Variants in ARL13B observed in about 807,000 individuals in gnomAD.
ARL13B encodes the protein ARF like GTPase 13B.
A neutral mutation model predicts 56.1 loss-of-function variants in ARL13B; 36 were observed. That is an observed-to-expected ratio of 0.64 (90% CI 0.49 to 0.85). The LOEUF is 0.85. Among genes scored for constraint, ARL13B ranks in the 40% least tolerant of loss-of-function variants. The probability of loss-of-function intolerance (pLI) is 0.00; values close to 1 mark genes in which losing one functional copy is unlikely to be tolerated. For missense variants in ARL13B, 519 were observed against 507.1 expected, an observed-to-expected ratio of 1.02 and a Z score of -0.23; for synonymous variants, 178 against 171.1, an observed-to-expected ratio of 1.04 and a Z score of -0.32.
intron 3 of ARL13B, among the ~76,000 whole-genome samples, chr3:94,030,039 C>G (rs1008318356): frequency 3.9e-5 from 6 of 151,962 alleles, no homozygotes. Context: ...AAATTATGGT[C>G]CTTGAAATAC....
chr3:94,016,572 G>A (rs1025909656), intron 3 of ARL13B, among the ~76,000 whole-genome samples: 7 of 151,650 alleles, frequency 4.6e-5, no homozygotes, highest in South Asian at 2.1e-4. Context: ...AAATATTTTC[G>A]TATCTACAGA....
intron 6 of ARL13B, 109 bp downstream of exon 6, chr3:94,040,097 G>A: frequency 1.1e-6 from 1 of 899,868 alleles, no homozygotes; most frequent in Non-Finnish European, 1.8e-6. Flanking sequence ...TGTTTCTTCT[G>A]AGAGATTATT....
In ARL13B at chr3:94,032,681, A is replaced by G. The variant is rs567784199; in HGVS notation, c.381-2650A>G. Among the ~76,000 whole-genome samples the G allele has an allele frequency of 2.0e-5, 3 of 152,130 alleles. No homozygotes were observed. In the South Asian group the frequency reaches 6.2e-4, roughly 32 times the overall value. On this transcript the variant is annotated intron_variant, in intron 3 of 9. Transcript: ENST00000394222. ...CCGGCTAGTTTTTTGTATTTTTAGT[A>G]GAGATGGGGTTTCACCGTGTTAGCC...
chr3:94,002,313 C>G (rs1476804177), intron 2 of ARL13B, among the ~76,000 whole-genome samples: 2 of 152,186 alleles, frequency 1.3e-5, no homozygotes, highest in East Asian at 3.9e-4. Context: ...GTGATCCTTC[C>G]GCCTCAGCCT....
intron 3 of ARL13B, among the ~76,000 whole-genome samples, chr3:94,011,832 G>A (rs746670219): frequency 9.2e-5 from 14 of 152,086 alleles, no homozygotes; most frequent in Admixed American, 2.0e-4. Flanking sequence ...CAAACTTCTG[G>A]AAAGAATTGC....
At chr3:94,018,636 T>C (rs1353727925) in intron 3 of ARL13B, among the ~76,000 whole-genome samples, 2 of 152,162 alleles carry the variant, frequency 1.3e-5, no homozygotes, top group East Asian at 1.9e-4. Flanking sequence ...AAAAACTGCC[T>C]ACCTGACAGC....
At position 93,980,406 on chromosome 3, in the gene ARL13B, T is replaced by C. The variant is rs368788559; in HGVS notation, c.-18T>C. 1.4e-4 allele frequency: 229 copies of C among 1,610,860 alleles called. 1 individual carries two copies. In the African/African-American group the frequency reaches 2.9e-3, roughly 20 times the overall value. On this transcript the variant is annotated 5_prime_UTR_variant, in exon 1 of 10. Transcript: ENST00000394222. ...CGCTCCGGGCTCGGATGGGAAGTGG[T>C]GGGAGGAGCGACCCGGGATGTTCAG...
At chr3:94,017,429 C>G (rs750324549) in intron 3 of ARL13B, among the ~76,000 whole-genome samples, 1 of 152,136 alleles carries the variant, frequency 6.6e-6, no homozygotes, top group Non-Finnish European at 1.5e-5. Flanking sequence ...TGGACATTTT[C>G]AAGATGTTCT....
rs1415287343 is a variant in ARL13B, at chr3:94,050,889, A to C, written c.1207A>C (p.Asn403His). 2 of 1,612,892 alleles carry C rather than the reference A, an allele frequency of 1.2e-6. No individual in the cohort carries two copies. Among genetic ancestry groups the C allele is most frequent in the East Asian group, 4.5e-5 (2 of 44,784 alleles). The change falls in exon 9 of 10, where the codon AAT becomes CAT. Residue 403 changes from asparagine to histidine, a missense_variant. Asn to His is a moderately conservative substitution (Grantham distance 68). Transcript: ENST00000394222. ...KLEPLGETHHNDFYRKPLPPL... is the reference protein window; with the variant it reads ...KLEPLGETHHHDFYRKPLPPL... Reference sequence around the variant, plus strand: ...TGAGCCTCTTGGTGAAACACATCATAATGGTAATGCAAAAGGATTGGTTTT... The same window carrying C: ...TGAGCCTCTTGGTGAAACACATCATCATGGTAATGCAAAAGGATTGGTTTT...
chr3:94,008,537 T>C (rs1338840785), intron 3 of ARL13B, among the ~76,000 whole-genome samples: 1 of 152,166 alleles, frequency 6.6e-6, no homozygotes, highest in Admixed American at 6.5e-5. Flanking sequence ...GTTGATTACC[T>C]GAGGAATAAA....
intron 3 of ARL13B, among the ~76,000 whole-genome samples, chr3:94,025,259 A>G (rs1381255289): frequency 6.6e-6 from 1 of 151,514 alleles, no homozygotes; most frequent in Non-Finnish European, 1.5e-5. Flanking sequence ...GCAAAAAACA[A>G]AATATCCTTT....
At position 93,990,976 on chromosome 3, in the gene ARL13B, A is replaced by G. The variant is rs553514080; in HGVS notation, c.60-4898A>G. 3.9e-5 allele frequency among the ~76,000 whole-genome samples: 6 copies of G among 152,274 alleles called. No homozygotes were observed. The South Asian group carries it at 8.3e-4, about 21-fold the overall frequency. On this transcript the variant is annotated intron_variant, in intron 1 of 9. Coordinates refer to ENST00000394222, the MANE Select transcript of ARL13B (RefSeq NM_001174150.2). Reference sequence around the variant, plus strand: ...AAGTCCCCTTGTTTGGTATCCCATTATCATCTTACATATATAGCTAAACAT... The same window carrying G: ...AAGTCCCCTTGTTTGGTATCCCATTGTCATCTTACATATATAGCTAAACAT...
intron 2 of ARL13B, among the ~76,000 whole-genome samples, chr3:94,000,949 AAG>A (rs1185699988): frequency 4.6e-5 from 7 of 152,156 alleles, no homozygotes; most frequent in African/African-American, 1.7e-4. Flanking sequence ...GAAAGGAAAA[AAG>A]AAAGGGTGGA....
At chr3:93,992,965 G>GTT (rs1197933874) in intron 1 of ARL13B, among the ~76,000 whole-genome samples, 1 of 142,506 alleles carries the variant, frequency 7.0e-6, no homozygotes, top group African/African-American at 2.6e-5. Context: ...GCTAATTTTT[G>GTT]TATTTTTTTT....
rs1371886209 is a variant in ARL13B at position 94,043,266 on chromosome 3, A to G, written c.1024+26A>G. ...GTAATAAATCTAGTTATTTAAAGTA[A>G]TTATCTTATGTATATATAAATAAAA... is the stretch of plus-strand genomic sequence containing the variant. On this transcript the variant is annotated intron_variant, in intron 7 of 9. Transcript: ENST00000394222. The G allele has an allele frequency of 2.5e-6, 4 of 1,572,644 alleles. 1 individual carries two copies. The South Asian group carries it at 4.5e-5, about 18-fold the overall frequency.
chr3:94,023,706 C>A (rs2076497563), intron 3 of ARL13B, among the ~76,000 whole-genome samples: 1 of 152,056 alleles, frequency 6.6e-6, no homozygotes, highest in Non-Finnish European at 1.5e-5. Flanking sequence ...CAAATCTGTT[C>A]TTTTTCCCCT....
intron 7 of ARL13B, among the ~76,000 whole-genome samples, chr3:94,045,140 C>T (rs1196083640): frequency 6.6e-6 from 1 of 152,150 alleles, no homozygotes; most frequent in Non-Finnish European, 1.5e-5. Context: ...TAATCTATAA[C>T]CTTACCCCCA....
chr3:93,989,557 T>A (rs781763729), intron 1 of ARL13B, among the ~76,000 whole-genome samples: 28,458 of 148,170 alleles, frequency 0.19, 3,108 homozygotes, highest in Non-Finnish European at 0.25. Flanking sequence ...TATGGTTAAT[T>A]TTTTTTTTTT....
Position 94,055,625 on chromosome 3 carries a change from A to G in ARL13B, c.*2362A>G, listed in dbSNP as rs774750592. 3.1e-5 allele frequency: 14 copies of G among 453,748 alleles called. No individual in the cohort carries two copies. Among genetic ancestry groups the G allele is most frequent in the Non-Finnish European group, 5.7e-5 (13 of 226,644 alleles). The allele number at this position is 453,748 out of a possible 1,614,324, so 28.1% of individuals were successfully genotyped here. A position where few individuals can be genotyped will look rare whatever the true frequency, so the allele number is the denominator to read the frequency against. On this transcript the variant is annotated 3_prime_UTR_variant, in exon 10 of 10. Transcript: ENST00000394222. The stretch of plus-strand genomic sequence containing the variant: ...GTGTAAAATGCATATTACGTAGTAT[A>G]CATGATATTGTATGTAACTGACTTC...
Sources: allele counts gnomAD v4.1 joint callset (sites outside exome capture counted in the v4.1 genomes callset), GRCh38; gene constraint gnomAD v4.1.1; transcripts MANE v1.5; gene names NCBI Gene and HGNC (gene_info 2026-07-23, HGNC 2026-07-21).